The following FRMPD2 variants were observed in gnomAD, a reference collection of about 807,000 sequenced individuals.
FRMPD2 encodes the protein FERM and PDZ domain-containing protein 2.
FRMPD2 carries 96 observed loss-of-function variants against 140.1 expected under a neutral mutation model. That is an observed-to-expected ratio of 0.69 (90% confidence interval 0.58 to 0.81). The LOEUF (loss-of-function observed/expected upper bound fraction) is 0.81. Among genes scored for constraint, FRMPD2 ranks in the 40% least tolerant of loss-of-function variants. FRMPD2 has a pLI of 0.00. For synonymous variants in FRMPD2, 449 were observed against 547.6 expected, an observed-to-expected ratio of 0.82 and a Z score of 2.52; for missense variants, 1,240 against 1,447.4, an observed-to-expected ratio of 0.86 and a Z score of 2.32.
At chr10:48,180,587 A>G (rs2132420965) in intron 21 of FRMPD2, among the ~76,000 whole-genome samples, 1 of 151,390 alleles carries the variant, frequency 6.6e-6, no homozygotes, top group Non-Finnish European at 1.5e-5. Context: ...CTGTCCTAGA[A>G]CTCTGCCTTC....
At chr10:48,191,773 T>C (rs114969980) in intron 16 of FRMPD2, among the ~76,000 whole-genome samples, 1,806 of 152,340 alleles carry the variant, frequency 0.012, 29 homozygotes, top group African/African-American at 0.039. Context: ...GTAATCCAAG[T>C]CCTAGGCTAT....
At chr10:48,238,219 G>A (rs1477989797) in intron 7 of FRMPD2, 96 bp from the exon 8 acceptor site, 4 of 1,269,940 alleles carry the variant, frequency 3.1e-6, no homozygotes, top group East Asian at 2.3e-5. Context: ...TGGGCAGGGT[G>A]CACCCACTGA....
intron 14 of FRMPD2, among the ~76,000 whole-genome samples, chr10:48,204,807 A>T (rs1839168931): frequency 6.6e-6 from 1 of 152,134 alleles, no homozygotes; most frequent in African/African-American, 2.4e-5. Context: ...CTCTTCAGAG[A>T]TTTAACTAGT....
chr10:48,227,223 C>A (rs79786076), intron 10 of FRMPD2, among the ~76,000 whole-genome samples: 2,181 of 152,238 alleles, frequency 0.014, 51 homozygotes, highest in African/African-American at 0.048. Context: ...ACAGAAATCG[C>A]TCTTTTTTTT....
intron 1 of FRMPD2, among the ~76,000 whole-genome samples, chr10:48,269,182 T>C (rs1362467157): frequency 6.6e-6 from 1 of 152,190 alleles, no homozygotes; most frequent in African/African-American, 2.4e-5. Context: ...TGAGAATTTA[T>C]CAAGAGGGTC....
At chr10:48,221,978 T>TTGGATGGATGGATGGA (rs71026203) in intron 12 of FRMPD2, among the ~76,000 whole-genome samples, 90 of 136,398 alleles carry the variant, frequency 6.6e-4, no homozygotes, top group African/African-American at 1.5e-3. Flanking sequence ...GGATGGATGG[T>TTGGATGGATGGATGGA]TGGATGGATG....
At chr10:48,274,789 C>T, upstream of FRMPD2, 2 of 539,686 alleles carry the variant, frequency 3.7e-6, no homozygotes, top group South Asian at 5.0e-5. Flanking sequence ...CCTGCGCAGT[C>T]TCTGGCCTGT....
At chr10:48,187,782 T>A (rs1838723819) in intron 16 of FRMPD2, among the ~76,000 whole-genome samples, 1 of 152,178 alleles carries the variant, frequency 6.6e-6, no homozygotes, top group Admixed American at 6.5e-5. Context: ...ACCTACCACA[T>A]GCTCGAGAGC....
chr10:48,188,921 C>CCAGG (rs1268221316), intron 16 of FRMPD2, among the ~76,000 whole-genome samples: 2 of 152,102 alleles, frequency 1.3e-5, no homozygotes, highest in African/African-American at 4.8e-5. Context: ...ACGGCAGCGG[C>CCAGG]CAGGGGCTAG....
intron 10 of FRMPD2, among the ~76,000 whole-genome samples, chr10:48,227,732 C>T (rs1839756297): frequency 6.6e-6 from 1 of 152,018 alleles, no homozygotes; most frequent in African/African-American, 2.4e-5. Context: ...CCTATTGGTA[C>T]ATGCGAGAAG....
chr10:48,204,116 C>G (rs541814932), intron 14 of FRMPD2, among the ~76,000 whole-genome samples: 12 of 152,160 alleles, frequency 7.9e-5, no homozygotes, highest in Non-Finnish European at 1.5e-4. Context: ...CCCTATAATA[C>G]CCAGCCCCCG....
chr10:48,226,316 C>T (rs892719351), intron 10 of FRMPD2, among the ~76,000 whole-genome samples: 4 of 152,190 alleles, frequency 2.6e-5, no homozygotes, highest in African/African-American at 9.6e-5. Context: ...AACCTTCCCT[C>T]CCCTATCTAC....
chr10:48,208,706 G>T (rs139612308), intron 13 of FRMPD2, among the ~76,000 whole-genome samples: 1 of 152,254 alleles, frequency 6.6e-6, no homozygotes, highest in Admixed American at 6.5e-5. Flanking sequence ...CTGCTAGGGA[G>T]TCTCCTAGGA....
intron 20 of FRMPD2, among the ~76,000 whole-genome samples, chr10:48,181,338 T>G (rs1838540777): frequency 6.6e-6 from 1 of 152,276 alleles, no homozygotes; most frequent in African/African-American, 2.4e-5. Flanking sequence ...TATGGACATC[T>G]TCCCATCTTC....
chr10:48,246,961 C>T (rs1296422062), intron 3 of FRMPD2, among the ~76,000 whole-genome samples: 1 of 152,216 alleles, frequency 6.6e-6, no homozygotes, highest in Admixed American at 6.5e-5. Context: ...AAAGCCCACT[C>T]CACTTGCCAT....
chr10:48,237,654 C>G (rs569763102), intron 8 of FRMPD2, among the ~76,000 whole-genome samples: 2 of 152,236 alleles, frequency 1.3e-5, no homozygotes, highest in African/African-American at 4.8e-5. Context: ...TGCAGAAGGC[C>G]CCTTCCAAAC....
At chr10:48,167,491 C>T (rs1162674123) in intron 27 of FRMPD2, among the ~76,000 whole-genome samples, 1 of 92,192 alleles carries the variant, frequency 1.1e-5, no homozygotes, top group Non-Finnish European at 2.3e-5. Context: ...GGGGCCATCT[C>T]TGCTCCAGGG....
rs745421805 is a variant in FRMPD2, at chr10:48,236,471, C to T, written c.993+11G>A. 3.2e-5 allele frequency: 52 copies of T among 1,613,712 alleles called. 2 individuals carry two copies. In the South Asian group the frequency reaches 4.3e-4, roughly 13 times the overall value. ...ACCCTCCATCCCTGCCCAGTCTAGC[C>T]CAGTAGTTACCACAACCGATCCCGG... is the stretch of plus-strand genomic sequence containing the variant. On this transcript the variant is annotated intron_variant, in intron 9 of 28. Coordinates refer to ENST00000374201, the MANE Select transcript of FRMPD2 (RefSeq NM_001018071.4).
In FRMPD2 at chr10:48,248,377, G is replaced by A. The variant is rs183597791; in HGVS notation, c.309+644C>T. 9.2e-5 allele frequency among the ~76,000 whole-genome samples: 14 copies of A among 152,224 alleles called. No homozygotes were observed. In the South Asian group the frequency reaches 2.7e-3, roughly 29 times the overall value. ...ATGTTGCCATCCAGAAACAATCACC[G>A]CAGACACTTTGGTGTATGTATTTTT... On this transcript the variant is annotated intron_variant, in intron 3 of 28. Coordinates refer to ENST00000374201, the MANE Select transcript of FRMPD2 (RefSeq NM_001018071.4).
Sources: allele counts gnomAD v4.1 joint callset (sites outside exome capture counted in the v4.1 genomes callset), GRCh38; gene constraint gnomAD v4.1.1; transcripts MANE v1.5; gene names NCBI Gene and HGNC (gene_info 2026-07-23, HGNC 2026-07-21).